The following TRIQK variants were observed in gnomAD, a reference collection of about 807,000 sequenced individuals.
TRIQK encodes the protein triple QxxK/R motif containing, also known as triple QxxK/R motif-containing protein.
TRIQK carries 10 observed loss-of-function variants against 10.8 expected under a neutral mutation model. That is an observed-to-expected ratio of 0.92 (90% confidence interval 0.57 to 1.57). The LOEUF (loss-of-function observed/expected upper bound fraction) is 1.57. TRIQK is among the 40% of genes most tolerant of loss of function. The probability of loss-of-function intolerance (pLI) is 0.00; values close to 1 mark genes in which losing one functional copy is unlikely to be tolerated. For missense variants in TRIQK, 107 were observed against 97.7 expected (o/e 1.09, Z -0.40); for synonymous variants, 33 against 33.7 (o/e 0.98, Z 0.07).
intron 1 of TRIQK, among the ~76,000 whole-genome samples, chr8:92,979,682 A>G (rs554446887): frequency 5.6e-4 from 85 of 152,116 alleles, no homozygotes; most frequent in African/African-American, 2.0e-3. Context: ...TTTATTACTC[A>G]AATATTATAG....
At chr8:93,009,171 A>G (rs1389346211) in intron 1 of TRIQK, among the ~76,000 whole-genome samples, 2 of 152,362 alleles carry the variant, frequency 1.3e-5, no homozygotes, top group Non-Finnish European at 2.9e-5. Context: ...ATGTCAAAGA[A>G]TCTTAATAGA....
intron 2 of TRIQK, chr8:92,922,586 C>T (rs1810243979): frequency 6.6e-6 from 1 of 151,704 alleles, no homozygotes; most frequent in African/African-American, 2.4e-5. Flanking sequence ...GAAGTCAATA[C>T]TTTATTCATT....
intron 3 of TRIQK, among the ~76,000 whole-genome samples, chr8:92,913,839 AAC>A: frequency 6.6e-6 from 1 of 152,188 alleles, no homozygotes; most frequent in Non-Finnish European, 1.5e-5. Flanking sequence ...TGAAGCTGGA[AAC>A]CATCTTTCTC....
chr8:92,980,050 T>TG (rs1812970874), intron 1 of TRIQK, among the ~76,000 whole-genome samples: 1 of 152,116 alleles, frequency 6.6e-6, no homozygotes, highest in Non-Finnish European at 1.5e-5. Context: ...TAGAAAGATT[T>TG]ATAATGTCTC....
chr8:92,952,111 C>A (rs556209282), intron 2 of TRIQK, among the ~76,000 whole-genome samples: 2 of 151,340 alleles, frequency 1.3e-5, no homozygotes, highest in African/African-American at 4.9e-5. Context: ...AAGAGATACA[C>A]AAGCATCAGA....
chr8:92,976,387 T>C (rs549848761), intron 1 of TRIQK, among the ~76,000 whole-genome samples: 1 of 152,140 alleles, frequency 6.6e-6, no homozygotes, highest in Middle Eastern at 3.4e-3. Context: ...CATTATGAAA[T>C]GACATTTTTC....
At chr8:92,892,301 T>C (rs1265775349) in intron 3 of TRIQK, among the ~76,000 whole-genome samples, 1 of 151,752 alleles carries the variant, frequency 6.6e-6, no homozygotes, top group African/African-American at 2.4e-5. Flanking sequence ...TGCTGTATAG[T>C]GAATGTCAAA....
In TRIQK at chr8:92,884,849, G is replaced by A. The variant is rs755354562; in HGVS notation, c.*1773C>T. 2 of 455,822 alleles carry A rather than the reference G, an allele frequency of 4.4e-6. No homozygotes were observed. Among genetic ancestry groups the A allele is most frequent in the Admixed American group, 2.4e-5 (1 of 42,434 alleles). The allele number at this position is 455,822 out of a possible 1,614,324, so 28.2% of individuals were successfully genotyped here. A position where few individuals can be genotyped will look rare whatever the true frequency, so the allele number is the denominator to read the frequency against. On this transcript the variant is annotated 3_prime_UTR_variant, in exon 5 of 5. Transcript: ENST00000521988. ...GTTCACGTAAATGTGATGGGAGTGGGGGGGTGGGGAGCAGTATTTCTTGAC... is the reference window on the plus strand; with the variant it reads ...GTTCACGTAAATGTGATGGGAGTGGAGGGGTGGGGAGCAGTATTTCTTGAC...
intron 2 of TRIQK, among the ~76,000 whole-genome samples, chr8:92,943,400 C>T (rs1811367792): frequency 6.6e-6 from 1 of 152,144 alleles, no homozygotes; most frequent in Admixed American, 6.5e-5. Flanking sequence ...AAGCTAGAGG[C>T]ATCACATTAC....
At chr8:92,986,879 T>C (rs960253637) in intron 1 of TRIQK, among the ~76,000 whole-genome samples, 1 of 152,160 alleles carries the variant, frequency 6.6e-6, no homozygotes, top group African/African-American at 2.4e-5. Flanking sequence ...ATAGTTAAGA[T>C]GGTTGTCCTC....
intron 2 of TRIQK, chr8:92,953,837 G>C (rs1487648544): frequency 6.6e-6 from 1 of 151,874 alleles, no homozygotes; most frequent in African/African-American, 2.4e-5. Context: ...TGAGGAGTGG[G>C]AAAGAACAGT....
chr8:92,945,268 T>C (rs948678191), intron 2 of TRIQK, among the ~76,000 whole-genome samples: 4 of 152,162 alleles, frequency 2.6e-5, no homozygotes, highest in Non-Finnish European at 4.4e-5. Flanking sequence ...GTAGTGAAGA[T>C]GAAGGCACAG....
chr8:92,916,830 G>C, intron 3 of TRIQK, 99 bp downstream of exon 3: 1 of 814,746 alleles, frequency 1.2e-6, no homozygotes, highest in Non-Finnish European at 1.7e-6. Context: ...ACATATTTCT[G>C]TGTATCATAT....
At chr8:92,984,322 T>C (rs1813012090) in intron 1 of TRIQK, among the ~76,000 whole-genome samples, 2 of 152,004 alleles carry the variant, frequency 1.3e-5, no homozygotes, top group African/African-American at 4.8e-5. Flanking sequence ...GGTTATGATA[T>C]AAAAACAGTA....
intron 1 of TRIQK, among the ~76,000 whole-genome samples, chr8:92,987,415 C>T (rs567751228): frequency 1.4e-4 from 22 of 152,158 alleles, no homozygotes; most frequent in Non-Finnish European, 2.9e-4. Flanking sequence ...AATGGGAACT[C>T]TACAGAGAGT....
intron 1 of TRIQK, among the ~76,000 whole-genome samples, chr8:93,014,743 A>G (rs1045369477): frequency 5.3e-5 from 8 of 152,004 alleles, no homozygotes; most frequent in Non-Finnish European, 1.0e-4. Flanking sequence ...ATTTTAAGAG[A>G]GGGGAAAAAA....
intron 1 of TRIQK, among the ~76,000 whole-genome samples, chr8:93,009,934 C>G (rs560688526): frequency 1.3e-5 from 2 of 150,718 alleles, no homozygotes; most frequent in Admixed American, 6.6e-5. Flanking sequence ...GTATACTATT[C>G]AGACATAAAA....
At chr8:92,955,755 T>A (rs552507601) in intron 1 of TRIQK, among the ~76,000 whole-genome samples, 5 of 151,824 alleles carry the variant, frequency 3.3e-5, no homozygotes, top group African/African-American at 1.2e-4. Context: ...AATTTTTAAA[T>A]GGGCAAAGTA....
In TRIQK at chr8:92,915,006, A is replaced by G. The variant is rs764993710; in HGVS notation, c.61+1923T>C. Among the ~76,000 whole-genome samples, 7 of 152,318 alleles carry G rather than the reference A, an allele frequency of 4.6e-5. No homozygotes were observed. In the South Asian group the frequency reaches 8.3e-4, roughly 18 times the overall value. ...GGAATCAAGAAATTATTTTATACATATATAAAAATATATTTCACCCTTTAA... is the reference window on the plus strand; with the variant it reads ...GGAATCAAGAAATTATTTTATACATGTATAAAAATATATTTCACCCTTTAA... On this transcript the variant is annotated intron_variant, in intron 3 of 4. Coordinates refer to ENST00000521988, the MANE Select transcript of TRIQK (RefSeq NM_001171797.2).
Sources: allele counts gnomAD v4.1 joint callset (sites outside exome capture counted in the v4.1 genomes callset), GRCh38; gene constraint gnomAD v4.1.1; transcripts MANE v1.5; gene names NCBI Gene and HGNC (gene_info 2026-07-23, HGNC 2026-07-21).